Variants in PCDHGB4 observed in about 807,000 individuals in gnomAD.
The protein encoded by PCDHGB4 is protocadherin gamma-B4.
A neutral mutation model predicts 60.5 loss-of-function variants in PCDHGB4; 38 were observed. The ratio of observed to expected loss-of-function variants is 0.63; its 90% CI spans 0.48 to 0.82. The LOEUF is 0.82. Among genes scored for constraint, PCDHGB4 ranks in the 40% least tolerant of loss-of-function variants. PCDHGB4 has a pLI of 0.00. For synonymous variants in PCDHGB4, 456 were observed against 509.7 expected, an observed-to-expected ratio of 0.89 and a Z score of 1.42; for missense variants, 1,109 against 1,209.6, an observed-to-expected ratio of 0.92 and a Z score of 1.23.
intron 3 of PCDHGB4, among the ~76,000 whole-genome samples, chr5:141,508,616 G>T (rs1007206932): frequency 6.6e-6 from 1 of 152,114 alleles, no homozygotes; most frequent in African/African-American, 2.4e-5. Flanking sequence ...ATAGGACGTG[G>T]GTGGGCCGAG....
Position 141,410,515 on chromosome 5 carries a change from G to A in PCDHGB4, c.2397+20234G>A, listed in dbSNP as rs373451539. The A allele has an allele frequency of 1.9e-6, 3 of 1,613,828 alleles. No homozygotes were observed. The African/African-American group carries it at 4.0e-5, about 22-fold the overall frequency. On this transcript the variant is annotated intron_variant, in intron 1 of 3. Coordinates refer to ENST00000519479, the MANE Select transcript of PCDHGB4 (RefSeq NM_003736.4). ...AGTTTAATTTCCTAAAATGCAGTGT[G>A]CCCCTACATTCCAATGAAGACATGG...
At chr5:141,439,126 G>A (rs2098089550) in intron 1 of PCDHGB4, among the ~76,000 whole-genome samples, 1 of 151,328 alleles carries the variant, frequency 6.6e-6, no homozygotes, top group African/African-American at 2.4e-5. Flanking sequence ...CCGGGAGACA[G>A]AGGTTGCAGT....
Position 141,491,910 on chromosome 5 carries a change from G to A in PCDHGB4, c.2398-2897G>A, listed in dbSNP as rs946745903. 1.4e-5 allele frequency: 19 copies of A among 1,406,944 alleles called. No individual in the cohort carries two copies. The South Asian group carries it at 2.6e-4, about 19-fold the overall frequency. 87.2% of individuals were successfully genotyped at this position (1,406,944 alleles called of 1,614,324 possible). On this transcript the variant is annotated intron_variant, in intron 1 of 3. Transcript: ENST00000519479. This position sits in a 1 kb window ranked among gnomAD's most constrained non-coding sequence, Gnocchi z 6.9. ...GGCTCCGAGCACCGGGGGTGGTGGCGACTGTGGGCGAGGGGAGGTGGGACC... is the reference window on the plus strand; with the variant it reads ...GGCTCCGAGCACCGGGGGTGGTGGCAACTGTGGGCGAGGGGAGGTGGGACC...
intron 1 of PCDHGB4, chr5:141,427,255 G>C (rs1369151995): frequency 2.2e-6 from 1 of 456,746 alleles, no homozygotes; most frequent in Non-Finnish European, 4.4e-6. Flanking sequence ...GATGGTGGAG[G>C]CATGACCAGC....
At position 141,450,006 on chromosome 5, in the gene PCDHGB4, C is replaced by CTATTTTTTTTTTT. The variant is rs70988802; in HGVS notation, c.2398-44800_2398-44799insATTTTTTTTTTTT. Among the ~76,000 whole-genome samples, 4 of 132,982 alleles carry CTATTTTTTTTTTT rather than the reference C, an allele frequency of 3.0e-5. 1 individual carries two copies. The highest frequency in any genetic ancestry group is 5.6e-5 in the African/African-American group (2 of 35,576). 87.2% of individuals were successfully genotyped at this position (132,982 alleles called of 152,430 possible). A position where few individuals can be genotyped will look rare whatever the true frequency, so the allele number is the denominator to read the frequency against. Reference sequence around the variant, plus strand: ...CACATTGCATTTAGTTGCCATGTCTCTTTTTTTTTTTTTTTTTTGAGACAG... The same window carrying CTATTTTTTTTTTT: ...CACATTGCATTTAGTTGCCATGTCTCTATTTTTTTTTTTTTTTTTTTTTTTTTTTTTGAGACAG... On this transcript the variant is annotated intron_variant, in intron 1 of 3. Transcript: ENST00000519479.
chr5:141,485,446 C>A lies in PCDHGB4; in HGVS notation c.2398-9361C>A. On this transcript the variant is annotated intron_variant, in intron 1 of 3. Transcript: ENST00000519479. This position sits in a 1 kb window ranked among gnomAD's most constrained non-coding sequence, Gnocchi z 5.7. ...CCCTGCTCATCAAGAACCCAATCGA[C>A]CGAGAGGCACTGTGTGGGCTCAGTG... is the stretch of plus-strand genomic sequence containing the variant. 6.2e-7 allele frequency: 1 copy of A among 1,614,156 alleles called. No individual in the cohort carries two copies. The highest frequency in any genetic ancestry group is 8.5e-7 in the Non-Finnish European group (1 of 1,180,018).
intron 1 of PCDHGB4, among the ~76,000 whole-genome samples, chr5:141,483,631 T>C (rs973545851): frequency 2.7e-5 from 4 of 149,022 alleles, no homozygotes; most frequent in African/African-American, 1.0e-4. Flanking sequence ...TGGGAGAAGG[T>C]ATAGAGGGGT....
intron 1 of PCDHGB4, among the ~76,000 whole-genome samples, chr5:141,445,544 T>C (rs1223868698): frequency 6.6e-6 from 1 of 152,126 alleles, no homozygotes; most frequent in Non-Finnish European, 1.5e-5. Context: ...CAAGGAGAAA[T>C]ACAAAAGCAC....
In PCDHGB4 at chr5:141,490,498, T is replaced by C. The variant is rs544031284; in HGVS notation, c.2398-4309T>C. On this transcript the variant is annotated intron_variant, in intron 1 of 3. Coordinates refer to ENST00000519479, the MANE Select transcript of PCDHGB4 (RefSeq NM_003736.4). This position sits in a 1 kb window ranked among gnomAD's most constrained non-coding sequence, Gnocchi z 5.4. ...TTTGGACCGGGAGGCCACATCCCAC[T>C]ATATCATCGAGCTGCTGGCCAGCGA... 1.2e-6 allele frequency: 2 copies of C among 1,614,132 alleles called. No individual in the cohort carries two copies. Among genetic ancestry groups the C allele is most frequent in the African/African-American group, 1.3e-5 (1 of 75,038 alleles).
intron 1 of PCDHGB4, chr5:141,403,667 GC>G: frequency 6.2e-7 from 1 of 1,613,910 alleles, no homozygotes; most frequent in Non-Finnish European, 8.5e-7. Context: ...AAATGATAAT[GC>G]CCCGGTTTTT....
chr5:141,475,013 G>C (rs950376592), intron 1 of PCDHGB4, among the ~76,000 whole-genome samples: 1 of 152,176 alleles, frequency 6.6e-6, no homozygotes, highest in Non-Finnish European at 1.5e-5. Flanking sequence ...AAAAGTTAAG[G>C]CTCTTTATTC....
chr5:141,458,496 A>T (rs905073741), intron 1 of PCDHGB4, among the ~76,000 whole-genome samples: 1 of 151,694 alleles, frequency 6.6e-6, no homozygotes, highest in Non-Finnish European at 1.5e-5. Flanking sequence ...CTGCCTGTAC[A>T]TACTGTTTGA....
Position 141,476,676 on chromosome 5 carries a change from G to T in PCDHGB4, c.2398-18131G>T. 1.2e-6 allele frequency: 2 copies of T among 1,614,222 alleles called. No individual in the cohort carries two copies. The highest frequency in any genetic ancestry group is 1.7e-6 in the Non-Finnish European group (2 of 1,180,054). ...TACTTTGCGCTTCGCGTGCAGACGC[G>T]GGAGGACAGCACCAAGTACGCGGAG... On this transcript the variant is annotated intron_variant, in intron 1 of 3. Transcript: ENST00000519479. The surrounding 1 kb of genome is among the most constrained non-coding windows in gnomAD (Gnocchi z 7.6).
chr5:141,483,401 A>G (rs1052240280), intron 1 of PCDHGB4, among the ~76,000 whole-genome samples: 2 of 152,202 alleles, frequency 1.3e-5, no homozygotes, highest in African/African-American at 4.8e-5. Context: ...TGCTTGAACC[A>G]GCACAGTGGC....
At chr5:141,419,315 C>T in intron 1 of PCDHGB4, 1 of 1,613,998 alleles carries the variant, frequency 6.2e-7, no homozygotes. Flanking sequence ...GCTCAACGGC[C>T]GTGTCTCCTA....
rs757926227 is a variant in PCDHGB4, at chr5:141,432,889, G to A, written c.2397+42608G>A. 1.6e-5 allele frequency: 26 copies of A among 1,614,180 alleles called. No individual in the cohort carries two copies. In the East Asian group the frequency reaches 5.8e-4, roughly 36 times the overall value. On this transcript the variant is annotated intron_variant, in intron 1 of 3. Transcript: ENST00000519479. This position sits in a 1 kb window ranked among gnomAD's most constrained non-coding sequence, Gnocchi z 6.0. ...GCGTCTTCCTGGCCTTCGTCATCTT[G>A]CTGCTGGCGCTCAGGCTGCGGCGCT...
rs1481706003 is a variant in PCDHGB4, at chr5:141,491,416, G to A, written c.2398-3391G>A. On this transcript the variant is annotated intron_variant, in intron 1 of 3. Transcript: ENST00000519479. This position sits in a 1 kb window ranked among gnomAD's most constrained non-coding sequence, Gnocchi z 6.9. ...TCAGGGAAACGCAGACGGGGACGGG[G>A]GTGGAGGGCAGTGCTGCAGGCGCCA... 3 of 1,614,138 alleles carry A rather than the reference G, an allele frequency of 1.9e-6. No homozygotes were observed. The highest frequency in any genetic ancestry group is 2.2e-5 in the East Asian group (1 of 44,874).
In PCDHGB4 at chr5:141,434,786, T is replaced by A. The variant is rs867453805; in HGVS notation, c.2397+44505T>A. ...TTCACACTTCTAAAAAAAAAAAAAT[T>A]TTTTTTTCTGAGCTTGGAGAAATAT... On this transcript the variant is annotated intron_variant, in intron 1 of 3. Coordinates refer to ENST00000519479, the MANE Select transcript of PCDHGB4 (RefSeq NM_003736.4). 6.8e-4 allele frequency among the ~76,000 whole-genome samples: 102 copies of A among 150,682 alleles called. 1 individual carries two copies. The highest frequency in any genetic ancestry group is 1.8e-3 in the African/African-American group (72 of 40,898).
At position 141,491,725 on chromosome 5, in the gene PCDHGB4, G is replaced by A. The variant is rs1008933711; in HGVS notation, c.2398-3082G>A. The A allele has an allele frequency of 6.2e-7, 1 of 1,606,496 alleles. No homozygotes were observed. The highest frequency in any genetic ancestry group is 1.3e-5 in the African/African-American group (1 of 74,728). On this transcript the variant is annotated intron_variant, in intron 1 of 3. Coordinates refer to ENST00000519479, the MANE Select transcript of PCDHGB4 (RefSeq NM_003736.4). The surrounding 1 kb of genome is among the most constrained non-coding windows in gnomAD (Gnocchi z 6.9). ...GGTGAGGGGCTCGGCGCCGCCCCGGGCGACCCCTGGGGGCGGCACTGGAGA... is the reference window on the plus strand; with the variant it reads ...GGTGAGGGGCTCGGCGCCGCCCCGGACGACCCCTGGGGGCGGCACTGGAGA...
Sources: gnomAD v4.1 joint callset for allele counts (sites outside exome capture counted in the v4.1 genomes callset) on GRCh38, gnomAD v4.1.1 for gene constraint, Gnocchi (gnomAD v3.1) non-coding constraint, MANE v1.5 for transcripts, NCBI Gene and HGNC (gene_info 2026-07-23, HGNC 2026-07-21) for gene names.